The following KPNA6 variants were observed in gnomAD, a reference collection of about 807,000 sequenced individuals.
KPNA6 encodes importin subunit alpha-7.
KPNA6 carries 9 observed loss-of-function variants against 72.0 expected under a neutral mutation model. That is an observed-to-expected ratio of 0.13 (90% CI 0.08 to 0.22). KPNA6 has a LOEUF of 0.22. Ranked by LOEUF, KPNA6 falls within the 10% of genes least tolerant of loss-of-function variation. The pLI is 1.00. For missense variants in KPNA6, 374 were observed against 655.7 expected (o/e 0.57, Z 4.69); for synonymous variants, 219 against 242.1 (o/e 0.90, Z 0.89).
intron 1 of KPNA6, among the ~76,000 whole-genome samples, chr1:32,153,015 TCA>T (rs1642064117): frequency 4.3e-5 from 2 of 46,540 alleles, no homozygotes; most frequent in African/African-American, 9.6e-5. Flanking sequence ...AGACTCCATC[TCA>T]AAAAAAAAAA....
Position 32,171,172 on chromosome 1 carries a change from C to A in KPNA6, c.*278C>A. 1 of 401,084 alleles carries A rather than the reference C, an allele frequency of 2.5e-6. No individual in the cohort carries two copies. 24.8% of individuals were successfully genotyped at this position (401,084 alleles called of 1,614,324 possible). ...ATTTTGGCTGCACACATGTCTTTAA[C>A]CCAGGAGCCCAGGGGTAGACAAAGG... On this transcript the variant is annotated 3_prime_UTR_variant, in exon 14 of 14. Transcript: ENST00000373625.
Position 32,117,949 on chromosome 1 carries a change from G to T in KPNA6, c.4+9815G>T, listed in dbSNP as rs60535192. ...TTTCTTTTTTTTAATTTGATATGGA[G>T]TTTCGCTCTTGTTGCCCAGGCTGGA... On this transcript the variant is annotated intron_variant, in intron 1 of 13. Transcript: ENST00000373625. Among the ~76,000 whole-genome samples, 378 of 151,852 alleles carry T rather than the reference G, an allele frequency of 2.5e-3. 1 individual carries two copies. The highest frequency in any genetic ancestry group is 8.9e-3 in the African/African-American group (370 of 41,388).
chr1:32,115,408 G>A (rs987399656), intron 1 of KPNA6, among the ~76,000 whole-genome samples: 1 of 152,072 alleles, frequency 6.6e-6, no homozygotes, highest in Admixed American at 6.6e-5. Context: ...AAAGTGCTGG[G>A]ATTACAAGGC....
chr1:32,140,301 T>A (rs763893896), intron 1 of KPNA6, among the ~76,000 whole-genome samples: 23 of 152,032 alleles, frequency 1.5e-4, no homozygotes, highest in African/African-American at 4.8e-4. Flanking sequence ...GAAGAATTGC[T>A]TGAACCCAGG....
At chr1:32,112,628 G>A (rs943647989) in intron 1 of KPNA6, among the ~76,000 whole-genome samples, 15 of 152,148 alleles carry the variant, frequency 9.9e-5, no homozygotes, top group African/African-American at 3.1e-4. Context: ...GAGTAGCTGG[G>A]ATTACAGGTG....
intron 6 of KPNA6, 107 bp from the exon 7 acceptor site, chr1:32,160,508 T>A: frequency 1.2e-6 from 1 of 814,832 alleles, no homozygotes; most frequent in Non-Finnish European, 2.1e-6. Flanking sequence ...ATTTGGGGCC[T>A]TGACATCATT....
chr1:32,131,714 ATATACTTAAAATT>A (rs1641641426), intron 1 of KPNA6, among the ~76,000 whole-genome samples: 1 of 150,896 alleles, frequency 6.6e-6, no homozygotes, highest in South Asian at 2.1e-4. Flanking sequence ...GTATGTGTAT[ATATACTTAAAATT>A]TAAAACTTTT....
chr1:32,110,945 C>T (rs903776284), intron 1 of KPNA6, among the ~76,000 whole-genome samples: 2 of 152,128 alleles, frequency 1.3e-5, no homozygotes, highest in Non-Finnish European at 2.9e-5. Flanking sequence ...TAAAGGGCTC[C>T]ATGAATATCA....
chr1:32,161,511 T>C (rs1642238181), intron 7 of KPNA6, among the ~76,000 whole-genome samples: 1 of 152,224 alleles, frequency 6.6e-6, no homozygotes, highest in South Asian at 2.1e-4. Flanking sequence ...CCTACCACTG[T>C]CACTTTCTTG....
At chr1:32,147,283 T>C (rs1641945026) in intron 1 of KPNA6, among the ~76,000 whole-genome samples, 1 of 152,176 alleles carries the variant, frequency 6.6e-6, no homozygotes, top group South Asian at 2.1e-4. Flanking sequence ...TTCAGCACTT[T>C]GCTTTTTGTT....
intron 1 of KPNA6, among the ~76,000 whole-genome samples, chr1:32,132,946 G>C (rs1428411651): frequency 6.6e-6 from 1 of 150,776 alleles, no homozygotes; most frequent in Admixed American, 6.6e-5. Flanking sequence ...TGTTGCCCAG[G>C]CTGGTCTCAA....
chr1:32,159,678 C>A, intron 6 of KPNA6, 147 bp downstream of exon 6: 1 of 813,458 alleles, frequency 1.2e-6, no homozygotes, highest in Non-Finnish European at 1.9e-6. Flanking sequence ...GCCCCTGGGA[C>A]TTGCAACTGG....
chr1:32,163,201 G>A, intron 9 of KPNA6, 34 bp from the exon 10 acceptor site: 1 of 1,444,550 alleles, frequency 6.9e-7, no homozygotes, highest in Non-Finnish European at 9.7e-7. Context: ...AAAATGGTGT[G>A]CTGGCCTTCT....
At position 32,170,828 on chromosome 1, in the gene KPNA6, C is replaced by G; in HGVS notation, c.1545C>G (p.Val515=). ...ATGATAGCAGCCTGGCTCCCCAAGT[C>G]GATGAAACGCAACAGCAGTTCATCT... is the stretch of plus-strand genomic sequence containing the variant. ...EDDDSSLAPQ[V]DETQQQFIFQ... Residue 515 remains valine (V), a synonymous_variant, in exon 14 of 14, where the codon GTC becomes GTG. Coordinates refer to ENST00000373625, the MANE Select transcript of KPNA6 (RefSeq NM_012316.5). The G allele has an allele frequency of 6.2e-7, 1 of 1,614,184 alleles. No homozygotes were observed. Among genetic ancestry groups the G allele is most frequent in the Admixed American group, 1.7e-5 (1 of 60,026 alleles).
intron 1 of KPNA6, among the ~76,000 whole-genome samples, chr1:32,125,836 C>A (rs1641521980): frequency 6.6e-6 from 1 of 151,992 alleles, no homozygotes; most frequent in Non-Finnish European, 1.5e-5. Context: ...TGGGATAGAA[C>A]CCTGTATAGT....
In KPNA6 at chr1:32,108,080, T is replaced by C. The variant is rs372913668; in HGVS notation, c.-51T>C. 1,189 of 1,613,614 alleles carry C rather than the reference T, an allele frequency of 7.4e-4. No homozygotes were observed. Among genetic ancestry groups the C allele is most frequent in the Non-Finnish European group, 9.7e-4 (1,142 of 1,179,774 alleles). On this transcript the variant is annotated 5_prime_UTR_variant, in exon 1 of 14. Coordinates refer to ENST00000373625, the MANE Select transcript of KPNA6 (RefSeq NM_012316.5). ...CATATTGTCTACTGAAAGCTGCCGCTGAAGCTGCCGCCGTTGCCTCCGCCG... is the reference window on the plus strand; with the variant it reads ...CATATTGTCTACTGAAAGCTGCCGCCGAAGCTGCCGCCGTTGCCTCCGCCG...
At chr1:32,158,157 A>G (rs1642176399) in intron 4 of KPNA6, 110 bp from the exon 5 acceptor site, 2 of 664,408 alleles carry the variant, frequency 3.0e-6, no homozygotes, top group Non-Finnish European at 5.3e-6. Flanking sequence ...GAGTTTGGGA[A>G]TGTTTGTAAG....
intron 1 of KPNA6, among the ~76,000 whole-genome samples, chr1:32,147,084 C>T (rs998950605): frequency 1.3e-5 from 2 of 152,020 alleles, no homozygotes; most frequent in Non-Finnish European, 2.9e-5. Context: ...GTCTCGAACT[C>T]GGCTCATGTG....
At chr1:32,162,301 C>A in intron 8 of KPNA6, 60 bp from the exon 9 acceptor site, 3 of 1,468,402 alleles carry the variant, frequency 2.0e-6, no homozygotes, top group Non-Finnish European at 9.2e-7. Flanking sequence ...TGTTAGGGTT[C>A]GTGATAGAGC....
Sources: allele counts gnomAD v4.1 joint callset (sites outside exome capture counted in the v4.1 genomes callset), GRCh38; gene constraint gnomAD v4.1.1; transcripts MANE v1.5; gene names NCBI Gene and HGNC (gene_info 2026-07-23, HGNC 2026-07-21).